ZNF273: variants seen among roughly 807,000 people sequenced by gnomAD.
The protein encoded by ZNF273 is zinc finger protein 9.
Under a neutral mutation model 14.9 loss-of-function variants are expected in ZNF273, and 11 were observed. The observed-to-expected ratio is 0.74, with a 90% CI of 0.46 to 1.22. ZNF273 has a LOEUF of 1.22. Among genes scored for constraint, ZNF273 ranks in the 50% most tolerant of loss-of-function variants. ZNF273 has a pLI of 0.00. For synonymous variants in ZNF273, 199 were observed against 223.9 expected (o/e 0.89, Z 0.99); for missense variants, 577 against 660.6 (o/e 0.87, Z 1.39).
chr7:64,888,378 G>A (rs1791739717), intron 1 of ZNF273: 1 of 985,560 alleles, frequency 1.0e-6, no homozygotes, highest in Non-Finnish European at 1.2e-6. Context: ...ATGAAGATGA[G>A]AGGGAGAGAG....
At chr7:64,893,375 A>G (rs1468850244), downstream of ZNF273, 4 of 152,240 alleles carry the variant, frequency 2.6e-5, no homozygotes, top group African/African-American at 7.2e-5. Context: ...AAGAAGCTGC[A>G]TGCCAGAACA....
rs371001621 is a variant in ZNF273 at position 64,928,938 on chromosome 7, C to T, written c.1610C>T (p.Thr537Ile). Reference sequence around the variant, plus strand: ...CTTACTCGACATAAGAAAATTCATACTGGAGAGAAACCATACAAACCTAAA... The same window carrying T: ...CTTACTCGACATAAGAAAATTCATATTGGAGAGAAACCATACAAACCTAAA... ...SNLTRHKKIH[T>I]GEKPYKPKRC... Residue 537 changes from threonine (T) to isoleucine (I), a missense_variant, in exon 4 of 4, where the codon ACT becomes ATT. By Grantham distance (89) the Thr-to-Ile change is moderately conservative (BLOSUM62 -1). Transcript: ENST00000476120. The T allele has an allele frequency of 8.1e-6, 13 of 1,613,320 alleles. No homozygotes were observed. The Admixed American group carries it at 1.3e-4, about 17-fold the overall frequency.
chr7:64,918,447 G>A (rs1321679755), intron 3 of ZNF273, among the ~76,000 whole-genome samples, 155 bp downstream of exon 3: 1 of 152,086 alleles, frequency 6.6e-6, no homozygotes, highest in Non-Finnish European at 1.5e-5. Flanking sequence ...CGGATCACGA[G>A]GTCAAGAGAT....
chr7:64,900,573 C>T (rs992583990), upstream of ZNF273, among the ~76,000 whole-genome samples: 1 of 152,150 alleles, frequency 6.6e-6, no homozygotes, highest in Non-Finnish European at 1.5e-5. Flanking sequence ...AACATGGAGG[C>T]TCCATCCTCC....
At chr7:64,912,826 G>GTTTTGTTTTTTGT (rs746174998) in intron 1 of ZNF273, among the ~76,000 whole-genome samples, 3,025 of 36,474 alleles carry the variant, frequency 0.083, 560 homozygotes, top group East Asian at 0.25. Context: ...ATTCATTTTA[G>GTTTTGTTTTTTGT]TTTTTTTTTT....
Position 64,928,221 on chromosome 7 carries a change from T to TC in ZNF273, c.894dup (p.Phe299LeufsTer2), listed in dbSNP as rs752741339. The TC allele has an allele frequency of 4.8e-5, 77 of 1,612,832 alleles. No homozygotes were observed. The Admixed American group carries it at 5.0e-4, about 11-fold the overall frequency. On this transcript the variant is annotated frameshift_variant, in exon 4 of 4. Transcript: ENST00000476120. LOFTEE classifies it low-confidence loss of function (END_TRUNC). ...TACAAATGTGAAGATTGTGGCAAAGTCTTTAGTGTATTTTCAGTCCTTACT... is the reference window on the plus strand; with the variant it reads ...TACAAATGTGAAGATTGTGGCAAAGTCCTTTAGTGTATTTTCAGTCCTTACT...
chr7:64,912,891 C>T (rs1384000547), intron 1 of ZNF273, among the ~76,000 whole-genome samples: 1 of 113,348 alleles, frequency 8.8e-6, no homozygotes, highest in Non-Finnish European at 1.7e-5. Context: ...TGCAGTGGTG[C>T]GATCTTGGCT....
intron 1 of ZNF273, chr7:64,917,082 A>C (rs921387593): frequency 7.8e-7 from 1 of 1,286,300 alleles, no homozygotes; most frequent in Admixed American, 2.3e-5. Flanking sequence ...ATGTTTGACA[A>C]AATATTCTTC....
downstream of ZNF273, among the ~76,000 whole-genome samples, chr7:64,883,361 T>TG (rs1263220938): frequency 6.6e-6 from 1 of 152,028 alleles, no homozygotes; most frequent in African/African-American, 2.4e-5. Flanking sequence ...TGAATCCACC[T>TG]CGAATTCGGT....
At chr7:64,906,232 A>C (rs1294321727) in intron 1 of ZNF273, among the ~76,000 whole-genome samples, 18 of 152,226 alleles carry the variant, frequency 1.2e-4, no homozygotes. Context: ...CATTTGTAAC[A>C]GTGAATATCT....
At chr7:64,933,834 C>T (rs1361772776), downstream of ZNF273, among the ~76,000 whole-genome samples, 2 of 152,120 alleles carry the variant, frequency 1.3e-5, no homozygotes, top group African/African-American at 4.8e-5. Context: ...ATGCTTAATT[C>T]CAAGTTAATG....
chr7:64,888,009 T>G (rs1166997645), intron 1 of ZNF273, among the ~76,000 whole-genome samples: 1 of 151,780 alleles, frequency 6.6e-6, no homozygotes, highest in Non-Finnish European at 1.5e-5. Context: ...GGCAGAAAAC[T>G]CCCCCATCCC....
chr7:64,901,012 T>A (rs952923928), upstream of ZNF273, among the ~76,000 whole-genome samples: 2 of 152,008 alleles, frequency 1.3e-5, no homozygotes, highest in Non-Finnish European at 2.9e-5. Context: ...ATTTATTTTT[T>A]TTTTTTTGTA....
At chr7:64,924,507 TCA>T (rs1320743026) in intron 3 of ZNF273, 5 of 123,606 alleles carry the variant, frequency 4.0e-5, no homozygotes, top group Admixed American at 3.8e-4. Context: ...AGACACACAC[TCA>T]CACATACACA....
chr7:64,910,802 A>G (rs10277498), intron 1 of ZNF273, among the ~76,000 whole-genome samples: 60,835 of 105,694 alleles, frequency 0.58, 13,134 homozygotes, highest in African/African-American at 0.59. Flanking sequence ...TTTTGTTTTT[A>G]TTGCCCAGGC....
chr7:64,917,100 A>G (rs1351757383), intron 1 of ZNF273: 2 of 1,284,060 alleles, frequency 1.6e-6, no homozygotes, highest in Admixed American at 2.3e-5. Flanking sequence ...TTCTTGGGCC[A>G]AAAACATTGG....
upstream of ZNF273, among the ~76,000 whole-genome samples, chr7:64,903,095 A>G (rs1000661329): frequency 3.9e-5 from 6 of 152,174 alleles, no homozygotes; most frequent in African/African-American, 1.2e-4. Flanking sequence ...AAAAGCCTGC[A>G]GTTTAGGTTT....
intron 3 of ZNF273, among the ~76,000 whole-genome samples, chr7:64,925,586 C>G (rs111768753): frequency 6.6e-6 from 1 of 151,696 alleles, no homozygotes; most frequent in Admixed American, 6.6e-5. Flanking sequence ...TACAGGCGCG[C>G]GCCACCATGC....
At chr7:64,882,148 C>T (rs1791279355), downstream of ZNF273, among the ~76,000 whole-genome samples, 1 of 152,220 alleles carries the variant, frequency 6.6e-6, no homozygotes, top group African/African-American at 2.4e-5. Context: ...ACACCCTCCT[C>T]TGGGGTCGCA....
Sources: gnomAD v4.1 joint callset for allele counts (sites outside exome capture counted in the v4.1 genomes callset) on GRCh38, gnomAD v4.1.1 for gene constraint, MANE v1.5 for transcripts, NCBI Gene and HGNC (gene_info 2026-07-23, HGNC 2026-07-21) for gene names.